OPCML: variants seen among roughly 807,000 people sequenced by gnomAD.
The protein encoded by OPCML is opioid-binding protein/cell adhesion molecule.
OPCML carries 13 observed loss-of-function variants against 37.8 expected under a neutral mutation model. The ratio of observed to expected loss-of-function variants is 0.34; its 90% CI spans 0.22 to 0.55. OPCML has a LOEUF of 0.55. Ranked by LOEUF, OPCML falls within the 20% of genes least tolerant of loss-of-function variation. The pLI is 0.91. For missense variants in OPCML, 341 were observed against 435.6 expected, an observed-to-expected ratio of 0.78 and a Z score of 1.93; for synonymous variants, 176 against 168.8, an observed-to-expected ratio of 1.04 and a Z score of -0.33.
intron 1 of OPCML, among the ~76,000 whole-genome samples, chr11:133,122,016 TCAAATG>T (rs1293163416): frequency 6.6e-6 from 1 of 152,208 alleles, no homozygotes; most frequent in Non-Finnish European, 1.5e-5. Context: ...TAGGGCCTGG[TCAAATG>T]CTTATTGAAA....
intron 3 of OPCML, among the ~76,000 whole-genome samples, chr11:132,610,936 C>A (rs1332317320): frequency 6.6e-6 from 1 of 152,154 alleles, no homozygotes; most frequent in Non-Finnish European, 1.5e-5. Context: ...GGGGAGAGCT[C>A]CCAGTTAAAG....
intron 1 of OPCML, among the ~76,000 whole-genome samples, chr11:133,013,656 C>T (rs571395836): frequency 7.2e-5 from 11 of 152,280 alleles, no homozygotes; most frequent in South Asian, 6.2e-4. Flanking sequence ...CGCCTCATAA[C>T]GCCACACTCA....
intron 1 of OPCML, among the ~76,000 whole-genome samples, chr11:133,087,434 C>A (rs921815064): frequency 1.3e-5 from 2 of 152,030 alleles, no homozygotes; most frequent in Non-Finnish European, 2.9e-5. Context: ...AGCCTTTGCC[C>A]TTCCCTCCAT....
chr11:133,515,362 C>T (rs1316897586), intron 1 of OPCML, among the ~76,000 whole-genome samples: 1 of 152,226 alleles, frequency 6.6e-6, no homozygotes, highest in East Asian at 1.9e-4. Context: ...CTAGAGACAT[C>T]TTGGGCTGTC....
chr11:132,499,369 T>C (rs2096240993), intron 4 of OPCML, among the ~76,000 whole-genome samples: 1 of 152,194 alleles, frequency 6.6e-6, no homozygotes, highest in South Asian at 2.1e-4. Flanking sequence ...AGAGCTAAGA[T>C]TGAGGGCTTG....
chr11:132,614,352 G>A (rs1480385191), intron 3 of OPCML, among the ~76,000 whole-genome samples: 1 of 152,078 alleles, frequency 6.6e-6, no homozygotes, highest in Non-Finnish European at 1.5e-5. Context: ...TAAATTCAAA[G>A]AATTCTGAGT....
chr11:132,442,761 C>G (rs1425316448), intron 4 of OPCML, among the ~76,000 whole-genome samples: 3 of 152,104 alleles, frequency 2.0e-5, no homozygotes, highest in Admixed American at 2.0e-4. Context: ...TGGGAGTTCC[C>G]CTGCACAAGC....
chr11:132,634,259 T>C (rs1485920622), intron 3 of OPCML, among the ~76,000 whole-genome samples: 2 of 152,104 alleles, frequency 1.3e-5, no homozygotes, highest in East Asian at 1.9e-4. Context: ...GCTTCTCTCA[T>C]AAAGGAAGCA....
At chr11:133,292,908 G>T (rs1413010996) in intron 1 of OPCML, among the ~76,000 whole-genome samples, 1 of 152,128 alleles carries the variant, frequency 6.6e-6, no homozygotes, top group Non-Finnish European at 1.5e-5. Context: ...GCTTTGGACC[G>T]TGGGCTGGGG....
chr11:133,059,803 A>C (rs568423909), intron 1 of OPCML, among the ~76,000 whole-genome samples: 9 of 152,332 alleles, frequency 5.9e-5, no homozygotes, highest in African/African-American at 2.2e-4. Flanking sequence ...TGTTATTATT[A>C]GACTTGGGTA....
intron 3 of OPCML, among the ~76,000 whole-genome samples, chr11:132,646,965 C>T (rs766824536): frequency 1.3e-5 from 2 of 152,072 alleles, no homozygotes; most frequent in Non-Finnish European, 2.9e-5. Context: ...ATCAACAAAA[C>T]AAGAGAGAAA....
chr11:133,197,093 C>T (rs369491975), intron 1 of OPCML, among the ~76,000 whole-genome samples: 63 of 152,248 alleles, frequency 4.1e-4, no homozygotes, highest in East Asian at 2.1e-3. Flanking sequence ...AAGTTTCTCC[C>T]CCAGTGGAAG....
At chr11:132,581,728 C>T (rs910561187) in intron 3 of OPCML, among the ~76,000 whole-genome samples, 3 of 151,984 alleles carry the variant, frequency 2.0e-5, no homozygotes, top group East Asian at 3.9e-4. Context: ...AAACTTTTTC[C>T]TTTTGGACTA....
chr11:133,163,902 C>T (rs941476856), intron 1 of OPCML, among the ~76,000 whole-genome samples: 8 of 152,210 alleles, frequency 5.3e-5, no homozygotes, highest in Admixed American at 3.9e-4. Context: ...ATCTCTCATA[C>T]GGCTTTTGAC....
intron 2 of OPCML, among the ~76,000 whole-genome samples, chr11:132,669,833 T>C (rs1942383465): frequency 6.6e-6 from 1 of 152,200 alleles, no homozygotes; most frequent in Non-Finnish European, 1.5e-5. Flanking sequence ...CAGCAATGGT[T>C]TGGAGTTCCA....
chr11:133,319,860 C>T (rs1943289142), intron 1 of OPCML, among the ~76,000 whole-genome samples: 1 of 152,202 alleles, frequency 6.6e-6, no homozygotes, highest in South Asian at 2.1e-4. Context: ...CTCCTGGCTA[C>T]TGACAAGTCT....
intron 3 of OPCML, among the ~76,000 whole-genome samples, chr11:132,607,711 C>T (rs1352011161): frequency 2.0e-5 from 3 of 152,194 alleles, no homozygotes; most frequent in Admixed American, 2.0e-4. Flanking sequence ...TAATTTGTCT[C>T]ATCTAAGTTT....
chr11:132,741,382 T>A (rs548000210), intron 2 of OPCML, among the ~76,000 whole-genome samples: 1 of 152,304 alleles, frequency 6.6e-6, no homozygotes, highest in African/African-American at 2.4e-5. Flanking sequence ...TTTTTGACAC[T>A]TTAGGATATT....
chr11:132,658,640 G>A (rs975470473), intron 2 of OPCML, among the ~76,000 whole-genome samples: 10 of 152,308 alleles, frequency 6.6e-5, no homozygotes, highest in African/African-American at 1.4e-4. Flanking sequence ...CCCTTTAGCC[G>A]CTGAGAAGTT....
Sources: gnomAD v4.1 joint callset for allele counts (sites outside exome capture counted in the v4.1 genomes callset) on GRCh38, gnomAD v4.1.1 for gene constraint, MANE v1.5 for transcripts, NCBI Gene and HGNC (gene_info 2026-07-23, HGNC 2026-07-21) for gene names.